The following CD8B variants were observed in gnomAD, a reference collection of about 807,000 sequenced individuals.
CD8B encodes CD8 subunit beta, also known as T-cell surface glycoprotein CD8 beta chain.
Under a neutral mutation model 24.2 loss-of-function variants are expected in CD8B, and 6 were observed. The observed-to-expected ratio is 0.25, with a 90% CI of 0.14 to 0.49. The LOEUF (loss-of-function observed/expected upper bound fraction) is 0.49, where lower values mean the gene tolerates loss of function less well. Ranked by LOEUF, CD8B falls within the 20% of genes least tolerant of loss-of-function variation. The pLI is 0.98. For missense variants in CD8B, 196 were observed against 271.3 expected, an observed-to-expected ratio of 0.72 and a Z score of 1.95; for synonymous variants, 84 against 108.3, an observed-to-expected ratio of 0.78 and a Z score of 1.39.
chr2:86,844,798 A>G (rs575741141), intron 5 of CD8B, 124 bp downstream of exon 5: 87 of 1,543,042 alleles, frequency 5.6e-5, no homozygotes, highest in Non-Finnish European at 7.3e-5. Context: ...GTGCACTACT[A>G]TGCCCGGCCG....
Position 86,858,321 on chromosome 2 carries a change from G to C in CD8B, c.139C>G (p.Leu47Val), listed in dbSNP as rs1558764127. 8 of 1,613,964 alleles carry C rather than the reference G, an allele frequency of 5.0e-6. No homozygotes were observed. The highest frequency in any genetic ancestry group is 6.8e-6 in the Non-Finnish European group (8 of 1,179,874). The change falls in exon 2 of 6, where the codon CTC becomes GTC. Residue 47 changes from leucine (L) to valine (V), a missense_variant. Coordinates refer to ENST00000390655, the MANE Select transcript of CD8B (RefSeq NM_004931.5). ...AGCCAGTAGATGCGCATGTTACTGA[G>C]GGAGATTTTAGCCTCGCAGGACAGC... ...VMLSCEAKIS[L>V]SNMRIYWLRQ...
chr2:86,845,497 T>C (rs965862808), intron 4 of CD8B, among the ~76,000 whole-genome samples: 54 of 152,274 alleles, frequency 3.5e-4, no homozygotes, highest in African/African-American at 1.3e-3. Flanking sequence ...GGTCTTATTA[T>C]GTTGTCTAGG....
chr2:86,835,125 G>A (rs1410280570), downstream of CD8B, among the ~76,000 whole-genome samples: 1 of 152,146 alleles, frequency 6.6e-6, no homozygotes, highest in Admixed American at 6.5e-5. Flanking sequence ...TTCTGATGGA[G>A]GAAGATGGAA....
intron 2 of CD8B, among the ~76,000 whole-genome samples, chr2:86,853,408 C>G (rs1303976755): frequency 2.0e-5 from 3 of 152,134 alleles, no homozygotes; most frequent in Non-Finnish European, 4.4e-5. Flanking sequence ...TGCAACTGCA[C>G]TCTGGCCTGG....
intron 3 of CD8B, among the ~76,000 whole-genome samples, chr2:86,852,697 A>T (rs1161919563): frequency 6.6e-6 from 1 of 152,176 alleles, no homozygotes; most frequent in African/African-American, 2.4e-5. Context: ...TAGCTGGTGG[A>T]TGTTTGGGTA....
Position 86,841,912 on chromosome 2 carries a change from C to A in CD8B, c.*395G>T. ...AGAGGGAGCCAGCCCAGCATCACCC[C>A]ATGAAAGACCCAGGACCCAATGTTA... On this transcript the variant is annotated 3_prime_UTR_variant, in exon 6 of 6. Transcript: ENST00000390655. 2 of 995,762 alleles carry A rather than the reference C, an allele frequency of 2.0e-6. No individual in the cohort carries two copies. The highest frequency in any genetic ancestry group is 2.4e-6 in the Non-Finnish European group (2 of 837,020). The allele number at this position is 995,762 out of a possible 1,614,324, so 61.7% of individuals were successfully genotyped here. A position where few individuals can be genotyped will look rare whatever the true frequency, so the allele number is the denominator to read the frequency against.
intron 5 of CD8B, 190 bp downstream of exon 5, chr2:86,844,732 T>G: frequency 6.6e-7 from 1 of 1,522,506 alleles, no homozygotes; most frequent in South Asian, 1.2e-5. Flanking sequence ...AGCCTTGAAC[T>G]CCTGGGCTCA....
chr2:86,843,870 C>T (rs1675547260), intron 5 of CD8B, among the ~76,000 whole-genome samples: 1 of 152,196 alleles, frequency 6.6e-6, no homozygotes, highest in Admixed American at 6.5e-5. Flanking sequence ...TGGTGATTGG[C>T]AGACGGGATT....
At chr2:86,861,273 A>G (rs1429360030) in intron 1 of CD8B, among the ~76,000 whole-genome samples, 1 of 151,988 alleles carries the variant, frequency 6.6e-6, no homozygotes, top group Admixed American at 6.6e-5. Flanking sequence ...GCTGCTTCCT[A>G]GGGAGCCACG....
chr2:86,834,488 A>ACACACACACAC (rs199775749), downstream of CD8B, among the ~76,000 whole-genome samples: 2 of 142,218 alleles, frequency 1.4e-5, no homozygotes, highest in African/African-American at 2.6e-5. Context: ...ACACACACAC[A>ACACACACACAC]AAAGTCTTAA....
chr2:86,816,776 T>C (rs1181449369), intron 5 of CD8B, among the ~76,000 whole-genome samples: 1 of 152,240 alleles, frequency 6.6e-6, no homozygotes, highest in Non-Finnish European at 1.5e-5. Flanking sequence ...AAATGTGTTT[T>C]TAAGACAGAG....
At chr2:86,826,438 C>T (rs1377304902) in intron 5 of CD8B, among the ~76,000 whole-genome samples, 1 of 152,076 alleles carries the variant, frequency 6.6e-6, no homozygotes, top group East Asian at 1.9e-4. Flanking sequence ...AACCACCAAT[C>T]GATTCTGACA....
chr2:86,861,766 C>T, intron 1 of CD8B, 57 bp downstream of exon 1: 1 of 1,218,816 alleles, frequency 8.2e-7, no homozygotes, highest in East Asian at 3.2e-5. Context: ...CTTATCACCT[C>T]CCCGCTCAGG....
chr2:86,842,855 T>C (rs1403144541), intron 5 of CD8B, among the ~76,000 whole-genome samples: 3 of 152,064 alleles, frequency 2.0e-5, no homozygotes, highest in Admixed American at 2.0e-4. Flanking sequence ...CTGTTCAAAA[T>C]GAAGAGAGTG....
intron 4 of CD8B, among the ~76,000 whole-genome samples, chr2:86,846,303 A>C (rs2104550980): frequency 6.6e-6 from 1 of 152,204 alleles, no homozygotes. Context: ...TTTGGTCTCA[A>C]CTGCTCACGT....
In CD8B at chr2:86,840,046, A is replaced by G. The variant is rs1675346489; in HGVS notation, c.*2261T>C. Among the ~76,000 whole-genome samples, 2 of 152,166 alleles carry G rather than the reference A, an allele frequency of 1.3e-5. No individual in the cohort carries two copies. The highest frequency in any genetic ancestry group is 4.8e-5 in the African/African-American group (2 of 41,432). On this transcript the variant is annotated 3_prime_UTR_variant, in exon 6 of 6. Transcript: ENST00000390655. ...ACACCTCTTGCTGAGGCAGGAGTCT[A>G]GGGTCTGGGGGCAGGGAATCTAAGG... is the stretch of plus-strand genomic sequence containing the variant.
In CD8B at chr2:86,828,861, A is replaced by G. The variant is rs955471042; in HGVS notation, c.621-13143T>C. 7.2e-5 allele frequency among the ~76,000 whole-genome samples: 11 copies of G among 151,800 alleles called. 1 individual carries two copies. Among genetic ancestry groups the G allele is most frequent in the Admixed American group, 6.6e-4 (10 of 15,244 alleles). ...ACTCTAGTTGTTCTAATAACTCTTC[A>G]TCACTTTTTAAAAACAGTAATTTGT... On this transcript the variant is annotated intron_variant, in intron 5 of 5. Coordinates refer to the CD8B transcript ENST00000331469.
At chr2:86,831,311 C>A (rs1164054015) in intron 5 of CD8B, among the ~76,000 whole-genome samples, 1 of 152,188 alleles carries the variant, frequency 6.6e-6, no homozygotes. Context: ...AGGTTATCTG[C>A]CTGCCTCGAC....
intron 3 of CD8B, among the ~76,000 whole-genome samples, chr2:86,852,700 T>G (rs949836492): frequency 2.0e-5 from 3 of 152,196 alleles, no homozygotes; most frequent in Non-Finnish European, 4.4e-5. Flanking sequence ...CTGGTGGATG[T>G]TTGGGTAGTT....
Sources: gnomAD v4.1 joint callset for allele counts (sites outside exome capture counted in the v4.1 genomes callset) on GRCh38, gnomAD v4.1.1 for gene constraint, MANE v1.5 for transcripts, NCBI Gene and HGNC (gene_info 2026-07-23, HGNC 2026-07-21) for gene names.